EMC2: variants seen among roughly 807,000 people sequenced by gnomAD.
EMC2 encodes the protein TPR repeat protein 35.
Under a neutral mutation model 51.6 loss-of-function variants are expected in EMC2, and 37 were observed. The observed-to-expected ratio is 0.72, with a 90% CI of 0.55 to 0.94. The LOEUF (loss-of-function observed/expected upper bound fraction) is 0.94. Among genes scored for constraint, EMC2 ranks in the 40% least tolerant of loss-of-function variants. The pLI, the probability that EMC2 is intolerant of heterozygous loss-of-function variation, is 0.00. For missense variants in EMC2, 359 were observed against 350.9 expected (o/e 1.02, Z -0.18); for synonymous variants, 131 against 112.4 (o/e 1.17, Z -1.04).
chr8:108,470,871 A>G (rs573393074), intron 7 of EMC2: 21 of 152,142 alleles, frequency 1.4e-4, no homozygotes, highest in African/African-American at 4.6e-4. Flanking sequence ...TCAGATTCTC[A>G]TGCGCATTTT....
intron 3 of EMC2, among the ~76,000 whole-genome samples, chr8:108,452,294 C>T (rs765132763): frequency 1.3e-5 from 2 of 152,128 alleles, no homozygotes; most frequent in Non-Finnish European, 1.5e-5. Flanking sequence ...TGGCTGGGTG[C>T]GGTGGCTCAT....
At chr8:108,455,623 T>A (rs572192285) in intron 4 of EMC2, among the ~76,000 whole-genome samples, 1 of 152,212 alleles carries the variant, frequency 6.6e-6, no homozygotes, top group South Asian at 2.1e-4. Flanking sequence ...TGAATCAGTA[T>A]TTTTTTAAGG....
At chr8:108,485,456 T>TATATATAATATATATAGGTAAC (rs1308761424) in intron 10 of EMC2, among the ~76,000 whole-genome samples, 4 of 145,444 alleles carry the variant, frequency 2.8e-5, no homozygotes, top group Admixed American at 1.4e-4. Flanking sequence ...TATATATACA[T>TATATATAATATATATAGGTAAC]ATATATAATA....
intron 5 of EMC2, among the ~76,000 whole-genome samples, chr8:108,465,539 C>T (rs1722156982): frequency 6.6e-6 from 1 of 152,094 alleles, no homozygotes; most frequent in Admixed American, 6.6e-5. Context: ...TGTTGTTGGC[C>T]AGTTGATTTA....
intron 5 of EMC2, 73 bp from the exon 6 acceptor site, chr8:108,469,753 C>A: frequency 8.1e-7 from 1 of 1,228,684 alleles, no homozygotes; most frequent in Non-Finnish European, 1.2e-6. Flanking sequence ...ATAATTTGCA[C>A]AGTCAAATTA....
chr8:108,479,178 C>T (rs1355003769), intron 10 of EMC2, 68 bp downstream of exon 10: 8 of 799,816 alleles, frequency 1.0e-5, no homozygotes, highest in Non-Finnish European at 1.5e-5. Context: ...TTACTACAAA[C>T]TACAAAGTCG....
intron 5 of EMC2, among the ~76,000 whole-genome samples, chr8:108,462,962 A>C (rs1421861878): frequency 6.6e-6 from 1 of 151,992 alleles, no homozygotes; most frequent in African/African-American, 2.4e-5. Context: ...CGCTTTTTTC[A>C]AATTTCATTT....
intron 10 of EMC2, among the ~76,000 whole-genome samples, chr8:108,482,132 A>C (rs1361745540): frequency 6.6e-6 from 1 of 152,154 alleles, no homozygotes; most frequent in Non-Finnish European, 1.5e-5. Flanking sequence ...TAAGAGTTCT[A>C]ATAGCCCCAC....
At chr8:108,476,997 A>G in intron 9 of EMC2, 105 bp downstream of exon 9, 2 of 584,338 alleles carry the variant, frequency 3.4e-6, no homozygotes, top group East Asian at 5.9e-5. Context: ...TATTTTATTG[A>G]TAAGCATGTT....
chr8:108,476,128 G>A (rs905252601), intron 8 of EMC2, among the ~76,000 whole-genome samples, 165 bp downstream of exon 8: 2 of 151,824 alleles, frequency 1.3e-5, no homozygotes, highest in Admixed American at 1.3e-4. Context: ...TAACATTGCA[G>A]TGGTAATACT....
intron 5 of EMC2, among the ~76,000 whole-genome samples, chr8:108,462,211 T>TG (rs377378737): frequency 1.0e-3 from 30 of 28,896 alleles, no homozygotes; most frequent in African/African-American, 7.6e-3. Flanking sequence ...TGTGTGTGTG[T>TG]TTTGTGTGCG....
intron 1 of EMC2, among the ~76,000 whole-genome samples, chr8:108,448,374 T>G (rs1027121829): frequency 6.6e-6 from 1 of 152,190 alleles, no homozygotes; most frequent in African/African-American, 2.4e-5. Context: ...ATGGTTTGGC[T>G]CTGTGTCCCC....
chr8:108,449,000 C>T (rs1190355949), intron 1 of EMC2, among the ~76,000 whole-genome samples: 1 of 152,160 alleles, frequency 6.6e-6, no homozygotes. Context: ...AAGAAACTCA[C>T]TCTTCTTACT....
intron 1 of EMC2, among the ~76,000 whole-genome samples, chr8:108,447,831 G>T (rs2130328365): frequency 6.6e-6 from 1 of 152,280 alleles, no homozygotes; most frequent in East Asian, 1.9e-4. Context: ...TTGCAGGAAG[G>T]TGAAAGGGTA....
intron 9 of EMC2, 55 bp downstream of exon 9, chr8:108,476,947 A>G (rs532498083): frequency 1.1e-5 from 9 of 845,726 alleles, no homozygotes; most frequent in Admixed American, 1.8e-5. Flanking sequence ...CTTAAAATCC[A>G]TTTAACTATC....
At chr8:108,478,951 T>A in intron 9 of EMC2, 55 bp from the exon 10 acceptor site, 2 of 939,758 alleles carry the variant, frequency 2.1e-6, no homozygotes, top group Non-Finnish European at 3.1e-6. Flanking sequence ...ATGTTTTTGA[T>A]TATCTTGACT....
chr8:108,472,758 A>T (rs894565244), intron 7 of EMC2, among the ~76,000 whole-genome samples: 1 of 152,034 alleles, frequency 6.6e-6, no homozygotes, highest in Non-Finnish European at 1.5e-5. Context: ...ACAGTGGCAA[A>T]AACGTAGCAG....
In EMC2 at chr8:108,488,936, CAG is replaced by C. The variant is rs1020924391; in HGVS notation, c.*2341_*2342del. Among the ~76,000 whole-genome samples, 1 of 152,146 alleles carries C rather than the reference CAG, an allele frequency of 6.6e-6. No individual in the cohort carries two copies. The highest frequency in any genetic ancestry group is 1.5e-5 in the Non-Finnish European group (1 of 68,030). ...GGGCTTTCCTTTCAAATTAAAAAATCAGAGCTTTGTGTGGTAACAGTCATTGC... is the reference window on the plus strand; with the variant it reads ...GGGCTTTCCTTTCAAATTAAAAAATCAGCTTTGTGTGGTAACAGTCATTGC... On this transcript the variant is annotated 3_prime_UTR_variant, in exon 11 of 11. Transcript: ENST00000220853.
At chr8:108,483,917 C>T (rs1048436217) in intron 10 of EMC2, among the ~76,000 whole-genome samples, 2 of 151,798 alleles carry the variant, frequency 1.3e-5, no homozygotes, top group African/African-American at 4.8e-5. Context: ...GAATATAAAC[C>T]GGTATAGAGT....
Sources: gnomAD v4.1 joint callset for allele counts (sites outside exome capture counted in the v4.1 genomes callset) on GRCh38, gnomAD v4.1.1 for gene constraint, MANE v1.5 for transcripts, NCBI Gene and HGNC (gene_info 2026-07-23, HGNC 2026-07-21) for gene names.